Variants in ARB2A observed in about 807,000 individuals in gnomAD.
The protein encoded by ARB2A is cotranscriptional regulator ARB2A.
the ARB2A span, among the ~76,000 whole-genome samples, chr5:94,064,941 A>T: frequency 6.6e-6 from 1 of 152,254 alleles, no homozygotes; most frequent in South Asian, 2.1e-4. Context: ...GAAGGGAAAG[A>T]ACTCAAATGT....
At chr5:93,670,053 G>A in the ARB2A span, among the ~76,000 whole-genome samples, 8 of 152,000 alleles carry the variant, frequency 5.3e-5, no homozygotes, top group Admixed American at 3.9e-4. Context: ...AGATGTTCAA[G>A]CCAACAATCT....
chr5:93,818,255 A>T, the ARB2A span, among the ~76,000 whole-genome samples: 5 of 152,186 alleles, frequency 3.3e-5, no homozygotes, highest in Admixed American at 6.5e-5. Context: ...GATTGTAAGT[A>T]TGGGGAGAAA....
chr5:93,668,082 A>G, the ARB2A span, among the ~76,000 whole-genome samples: 9 of 152,204 alleles, frequency 5.9e-5, no homozygotes, highest in Non-Finnish European at 8.8e-5. Context: ...CAATATAAAA[A>G]TATTATGTTC....
At chr5:93,891,913 C>G in the ARB2A span, among the ~76,000 whole-genome samples, 1 of 152,124 alleles carries the variant, frequency 6.6e-6, no homozygotes, top group Non-Finnish European at 1.5e-5. Flanking sequence ...CTGGACCTGT[C>G]TATTTACAGC....
chr5:93,862,726 TTAAGG>T, the ARB2A span: 3 of 152,062 alleles, frequency 2.0e-5, no homozygotes, highest in African/African-American at 7.2e-5. Flanking sequence ...GGAGGGGACA[TTAAGG>T]TTAGGTATTA....
At chr5:94,086,204 C>T in the ARB2A span, among the ~76,000 whole-genome samples, 8 of 152,098 alleles carry the variant, frequency 5.3e-5, 1 homozygote, top group Admixed American at 4.6e-4. Context: ...TCAACAATAA[C>T]CTTGGTTGCA....
chr5:93,940,513 T>A, the ARB2A span, among the ~76,000 whole-genome samples: 3 of 152,120 alleles, frequency 2.0e-5, no homozygotes, highest in African/African-American at 7.2e-5. Flanking sequence ...GAATTTCTAA[T>A]ATGTATTGAA....
At chr5:93,657,978 T>A in the ARB2A span, among the ~76,000 whole-genome samples, 22 of 152,194 alleles carry the variant, frequency 1.4e-4, no homozygotes, top group Non-Finnish European at 3.2e-4. Context: ...TTCCTATTTT[T>A]GATACTTTTT....
the ARB2A span, among the ~76,000 whole-genome samples, chr5:93,986,568 T>C: frequency 6.6e-6 from 1 of 152,182 alleles, no homozygotes; most frequent in South Asian, 2.1e-4. Context: ...GGCGGTTCTG[T>C]CTAATGGAAA....
At chr5:93,929,009 T>G in the ARB2A span, among the ~76,000 whole-genome samples, 1 of 152,008 alleles carries the variant, frequency 6.6e-6, no homozygotes, top group Non-Finnish European at 1.5e-5. Flanking sequence ...AAAAAGTACT[T>G]TTTTTGATAT....
the ARB2A span, among the ~76,000 whole-genome samples, chr5:93,903,115 T>C: frequency 1.3e-5 from 2 of 152,098 alleles, no homozygotes; most frequent in African/African-American, 4.8e-5. Context: ...TCCTGGCAAT[T>C]TTGACATAGA....
chr5:94,046,912 C>A, the ARB2A span, among the ~76,000 whole-genome samples: 7 of 152,120 alleles, frequency 4.6e-5, 1 homozygote, highest in African/African-American at 1.7e-4. Flanking sequence ...AGAACTCATA[C>A]AACTAACTTC....
chr5:94,020,854 A>G, the ARB2A span, among the ~76,000 whole-genome samples: 1 of 152,192 alleles, frequency 6.6e-6, no homozygotes, highest in African/African-American at 2.4e-5. Flanking sequence ...GAAAAAGCCC[A>G]TGATTGCCAT....
chr5:93,985,613 C>A, the ARB2A span, among the ~76,000 whole-genome samples: 1 of 152,150 alleles, frequency 6.6e-6, no homozygotes, highest in Non-Finnish European at 1.5e-5. Flanking sequence ...TTGGTGGAGA[C>A]GGGGTTTCGC....
the ARB2A span, among the ~76,000 whole-genome samples, chr5:93,854,135 G>T: frequency 1.3e-5 from 2 of 152,128 alleles, no homozygotes; most frequent in African/African-American, 2.4e-5. Context: ...CAATTTCAGA[G>T]CCTGTTATTG....
At chr5:93,918,430 C>CTTTTTTTTTTTTTTTTTTTTTT in the ARB2A span, among the ~76,000 whole-genome samples, 1 of 107,354 alleles carries the variant, frequency 9.3e-6, no homozygotes, top group Non-Finnish European at 1.9e-5. Context: ...TTCCAAATTT[C>CTTTTTTTTTTTTTTTTTTTTTT]TTTTTTTTTT....
chr5:93,620,589 C>T, the ARB2A span: 2 of 164,768 alleles, frequency 1.2e-5, no homozygotes, highest in Non-Finnish European at 2.6e-5. Context: ...GAAAGATGGA[C>T]ATGATTAAGG....
the ARB2A span, among the ~76,000 whole-genome samples, chr5:94,016,157 G>A: frequency 6.6e-6 from 1 of 152,128 alleles, no homozygotes; most frequent in Non-Finnish European, 1.5e-5. Flanking sequence ...AGATAAAATA[G>A]ACTACAAATC....
At chr5:93,638,946 T>G in the ARB2A span, among the ~76,000 whole-genome samples, 21 of 152,236 alleles carry the variant, frequency 1.4e-4, no homozygotes, top group Non-Finnish European at 2.5e-4. Context: ...AACAATCATA[T>G]CATGTATGAA....
Sources: allele counts gnomAD v4.1 joint callset (sites outside exome capture counted in the v4.1 genomes callset), GRCh38; gene constraint gnomAD v4.1.1; transcripts MANE v1.5; gene names NCBI Gene and HGNC (gene_info 2026-07-23, HGNC 2026-07-21).